SLC6A5: variants seen among roughly 807,000 people sequenced by gnomAD.
The protein encoded by SLC6A5 is sodium- and chloride-dependent glycine transporter 2.
In SLC6A5, 58 loss-of-function variants were observed where a neutral mutation model predicts 90.5. The observed-to-expected ratio is 0.64, with a 90% CI of 0.52 to 0.80. The LOEUF (loss-of-function observed/expected upper bound fraction) is 0.80, where lower values mean the gene tolerates loss of function less well. Among genes scored for constraint, SLC6A5 ranks in the 30% least tolerant of loss-of-function variants. The probability of loss-of-function intolerance (pLI) is 0.00; values close to 1 mark genes in which losing one functional copy is unlikely to be tolerated. For synonymous variants in SLC6A5, 427 were observed against 401.4 expected, an observed-to-expected ratio of 1.06 and a Z score of -0.76; for missense variants, 1,015 against 1,017.6, an observed-to-expected ratio of 1.00 and a Z score of 0.03.
chr11:20,649,863 C>A (rs184167487), intron 14 of SLC6A5, among the ~76,000 whole-genome samples: 1 of 152,188 alleles, frequency 6.6e-6, no homozygotes, highest in South Asian at 2.1e-4. Flanking sequence ...AAGTTTATAA[C>A]TCTAGGGACA....
At chr11:20,633,577 A>G (rs1418626367) in intron 10 of SLC6A5, among the ~76,000 whole-genome samples, 1 of 152,144 alleles carries the variant, frequency 6.6e-6, no homozygotes, top group Non-Finnish European at 1.5e-5. Context: ...GCACTCTAGG[A>G]TAAAGGAGGC....
rs78997330 is a variant in SLC6A5, at chr11:20,645,309, G to A, written c.1970-1525G>A. Among the ~76,000 whole-genome samples the A allele has an allele frequency of 5.2e-3, 796 of 152,154 alleles. 21 individuals are homozygous for A. In the East Asian group the frequency reaches 0.086, roughly 16 times the overall value. On this transcript the variant is annotated intron_variant, in intron 13 of 15. Transcript: ENST00000525748. Reference sequence around the variant, plus strand: ...AGTGGGGACTGAGGTGGGGGTGGTGGGGGACACTGATCAGATGAGGGCAGC... The same window carrying A: ...AGTGGGGACTGAGGTGGGGGTGGTGAGGGACACTGATCAGATGAGGGCAGC...
chr11:20,653,324 T>C (rs903147466), intron 15 of SLC6A5, among the ~76,000 whole-genome samples: 2 of 152,188 alleles, frequency 1.3e-5, no homozygotes, highest in African/African-American at 4.8e-5. Flanking sequence ...AGAAGACTCC[T>C]ACTGAACCAG....
chr11:20,622,917 A>G (rs1852919340), intron 7 of SLC6A5, among the ~76,000 whole-genome samples: 1 of 152,154 alleles, frequency 6.6e-6, no homozygotes. Flanking sequence ...CTGCCCTTGT[A>G]GTATCTCATC....
Position 20,604,301 on chromosome 11 carries a change from G to C in SLC6A5, c.556G>C (p.Asp186His). The C allele has an allele frequency of 6.2e-7, 1 of 1,612,644 alleles. No individual in the cohort carries two copies. The highest frequency in any genetic ancestry group is 8.5e-7 in the Non-Finnish European group (1 of 1,178,972). ...TVATQEDEQG[D>H]ENKARGNWSS... Reference sequence around the variant, plus strand: ...CCGCCCCCAGGAGGACGAGCAAGGGGATGAGAATAAGGCCCGAGGGAACTG... The same window carrying C: ...CCGCCCCCAGGAGGACGAGCAAGGGCATGAGAATAAGGCCCGAGGGAACTG... The change falls in exon 3 of 16, where the codon GAT (aspartate) becomes CAT (histidine). Residue 186 changes from aspartate to histidine, a missense_variant. By Grantham distance (81) the Asp-to-His change is moderately conservative. This residue lies in a region of SLC6A5 where 567 missense variants were observed against 507.3 expected (regional missense o/e 1.12). Coordinates refer to ENST00000525748, the MANE Select transcript of SLC6A5 (RefSeq NM_004211.5).
intron 5 of SLC6A5, among the ~76,000 whole-genome samples, chr11:20,610,971 T>A (rs1053682371): frequency 1.3e-5 from 2 of 152,220 alleles, no homozygotes; most frequent in Admixed American, 6.5e-5. Context: ...AGTATTGTTA[T>A]AATCAGCATT....
At chr11:20,642,008 T>C (rs1332093525) in intron 13 of SLC6A5, among the ~76,000 whole-genome samples, 1 of 152,080 alleles carries the variant, frequency 6.6e-6, no homozygotes, top group East Asian at 1.9e-4. Flanking sequence ...AGTATTAAGC[T>C]GAGGGCCCTT....
chr11:20,624,396 G>A (rs1852951057), intron 7 of SLC6A5, among the ~76,000 whole-genome samples: 1 of 151,876 alleles, frequency 6.6e-6, no homozygotes, highest in Non-Finnish European at 1.5e-5. Flanking sequence ...CAAGTGATCC[G>A]CCTGCCTCAG....
chr11:20,619,617 T>C (rs2133790481), intron 7 of SLC6A5, among the ~76,000 whole-genome samples: 1 of 122,678 alleles, frequency 8.2e-6, no homozygotes, highest in Admixed American at 8.7e-5. Context: ...ATTTTGCTCT[T>C]AGCTTTAATT....
At position 20,604,507 on chromosome 11, in the gene SLC6A5, G is replaced by A. The variant is rs1852540709; in HGVS notation, c.679+83G>A. 4.5e-6 allele frequency: 7 copies of A among 1,544,996 alleles called. 1 individual carries two copies. In the Admixed American group the frequency reaches 1.1e-4, roughly 24 times the overall value. On this transcript the variant is annotated intron_variant, in intron 3 of 15. Transcript: ENST00000525748. ...GGTGGGACAGGAGCCCTCAGGCAGG[G>A]CCGCCGGGCGGGGAGGCTCAGGACA... is the stretch of plus-strand genomic sequence containing the variant.
chr11:20,636,144 C>A (rs1853201318), intron 10 of SLC6A5, among the ~76,000 whole-genome samples, 163 bp from the exon 11 acceptor site: 1 of 152,052 alleles, frequency 6.6e-6, no homozygotes, highest in South Asian at 2.1e-4. Context: ...AGCCTAAGGT[C>A]TAATTGAGGA....
rs150767679 is a variant in SLC6A5 at position 20,617,927 on chromosome 11, A to C, written c.1260+43A>C. 1.0e-3 allele frequency: 1,649 copies of C among 1,606,692 alleles called. 12 individuals are homozygous for C. The African/African-American group carries it at 0.02, about 19-fold the overall frequency. On this transcript the variant is annotated intron_variant, in intron 7 of 15. Transcript: ENST00000525748. ...TCTAAGAGAAAGCTGTGAGACACCC[A>C]GGGGCGGTTGCTTTGGGGAGCAGGC... is the stretch of plus-strand genomic sequence containing the variant.
chr11:20,655,762 C>A lies in SLC6A5; in HGVS notation c.*894C>A, dbSNP rs1330230130. ...TTTCTATAAGCTGTAGACACCTTGT[C>A]TTTTGACCTCTGGGAAAACAAGACT... On this transcript the variant is annotated 3_prime_UTR_variant, in exon 16 of 16. Transcript: ENST00000525748. 1 of 152,160 alleles carries A rather than the reference C, an allele frequency of 6.6e-6. No individual in the cohort carries two copies. The highest frequency in any genetic ancestry group is 1.5e-5 in the Non-Finnish European group (1 of 68,028). The allele number at this position is 152,160 out of a possible 1,614,324, so 9.4% of individuals were successfully genotyped here.
chr11:20,601,323 C>A lies in SLC6A5; in HGVS notation c.198C>A (p.Asp66Glu), dbSNP rs1454104001. Reference protein sequence around the residue: ...STGAQTFQSADARACEAERPG... With the variant: ...STGAQTFQSAEARACEAERPG... ...GCGCCCAAACTTTCCAGTCAGCGGA[C>A]GCGCGAGCCTGCGAGGCTGAGCGGC... The change falls in exon 2 of 16, where the codon GAC (aspartate) becomes GAA (glutamate). Residue 66 changes from aspartate to glutamate, a missense_variant. Physicochemically the swap from Asp to Glu is conservative, Grantham distance 45. Around this residue, in one of 3 missense-constraint regions of SLC6A5, gnomAD observed 567 missense variants for 507.3 expected, o/e 1.12. Transcript: ENST00000525748. 9 of 1,593,568 alleles carry A rather than the reference C, an allele frequency of 5.6e-6. No homozygotes were observed. In the East Asian group the frequency reaches 1.1e-4, roughly 20 times the overall value.
At position 20,656,378 on chromosome 11, in the gene SLC6A5, C is replaced by G. The variant is rs1240402185; in HGVS notation, c.*1510C>G. On this transcript the variant is annotated 3_prime_UTR_variant, in exon 16 of 16. Transcript: ENST00000525748. ...TTGTTTCCTTTAGGGGAGATCATTT[C>G]AATCATTTTCTTCATTTATCTTCAT... The G allele has an allele frequency of 2.6e-5, 4 of 152,080 alleles. No homozygotes were observed. 9.4% of individuals were successfully genotyped at this position (152,080 alleles called of 1,614,324 possible).
chr11:20,637,226 C>T lies in SLC6A5; in HGVS notation c.1792C>T (p.Leu598=), dbSNP rs1853225572. 1 of 1,613,682 alleles carries T rather than the reference C, an allele frequency of 6.2e-7. No individual in the cohort carries two copies. ...CATCTCAGACGAGTTTCCCAAGTAC[C>T]TACGCACACACAAGCCAGTGTTTAC... ...TSISDEFPKY[L]RTHKPVFTLG... is the part of the protein sequence containing the mutation. The change falls in exon 12 of 16, where the codon CTA becomes TTA. Residue 598 remains leucine (L), a synonymous_variant. Coordinates refer to ENST00000525748, the MANE Select transcript of SLC6A5 (RefSeq NM_004211.5).
At chr11:20,652,230 T>G in intron 14 of SLC6A5, 59 bp from the exon 15 acceptor site, 3 of 1,507,054 alleles carry the variant, frequency 2.0e-6, no homozygotes, top group South Asian at 1.1e-5. Flanking sequence ...TTAATAGTGT[T>G]GAGTGCTTGA....
chr11:20,608,850 A>G (rs76565859), intron 5 of SLC6A5, among the ~76,000 whole-genome samples: 9,133 of 152,070 alleles, frequency 0.06, 953 homozygotes, highest in African/African-American at 0.21. Flanking sequence ...GCAGACCCAG[A>G]GAGATGACAT....
intron 12 of SLC6A5, among the ~76,000 whole-genome samples, chr11:20,637,784 A>G (rs1853238188): frequency 6.6e-6 from 1 of 152,256 alleles, no homozygotes; most frequent in Admixed American, 6.5e-5. Flanking sequence ...TTATTTACCA[A>G]TCAGGTACAA....
Sources: allele counts gnomAD v4.1 joint callset (sites outside exome capture counted in the v4.1 genomes callset), GRCh38; gene constraint gnomAD v4.1.1; regional missense constraint gnomAD v4.1.1; transcripts MANE v1.5; gene names NCBI Gene and HGNC (gene_info 2026-07-23, HGNC 2026-07-21).